PHF11: variants seen among roughly 807,000 people sequenced by gnomAD.
PHF11 encodes the protein BRCA1 C-terminus-associated protein.
PHF11 carries 38 observed loss-of-function variants against 40.5 expected under a neutral mutation model. The ratio of observed to expected loss-of-function variants is 0.94; its 90% CI spans 0.72 to 1.23. The LOEUF (loss-of-function observed/expected upper bound fraction) is 1.23. Among genes scored for constraint, PHF11 ranks in the 50% most tolerant of loss-of-function variants. The probability of loss-of-function intolerance (pLI) is 0.00; values close to 1 mark genes in which losing one functional copy is unlikely to be tolerated. For synonymous variants in PHF11, 127 were observed against 138.2 expected (o/e 0.92, Z 0.57); for missense variants, 369 against 392.4 (o/e 0.94, Z 0.50).
At chr13:49,517,987 T>C (rs755289174) in intron 3 of PHF11, 31 bp from the exon 4 acceptor site, 5 of 1,155,442 alleles carry the variant, frequency 4.3e-6, no homozygotes, top group Non-Finnish European at 6.1e-6. Context: ...AACAAACAGG[T>C]ACTTACTCAG....
chr13:49,507,866 T>C lies in PHF11; in HGVS notation c.216+1110T>C, dbSNP rs934722284. Among the ~76,000 whole-genome samples the C allele has an allele frequency of 2.6e-5, 4 of 152,100 alleles. No homozygotes were observed. The South Asian group carries it at 6.2e-4, about 24-fold the overall frequency. The stretch of plus-strand genomic sequence containing the variant: ...TAAGGGAACTGAGCATTCACGGATT[T>C]TGGTAGCCTTGGGGGTTCCTGGAAC... On this transcript the variant is annotated intron_variant, in intron 2 of 9. Coordinates refer to ENST00000378319, the MANE Select transcript of PHF11 (RefSeq NM_001040443.3).
intron 3 of PHF11, 136 bp from the exon 4 acceptor site, chr13:49,517,882 C>T (rs1959169023): frequency 2.8e-5 from 16 of 579,938 alleles, no homozygotes; most frequent in South Asian, 2.3e-4. Flanking sequence ...ATGTTTGTAA[C>T]GGGATGGAAT....
chr13:49,523,053 G>A (rs571420651), intron 6 of PHF11, 122 bp from the exon 7 acceptor site: 35 of 748,300 alleles, frequency 4.7e-5, no homozygotes, highest in Non-Finnish European at 7.4e-5. Context: ...GTGAGACACC[G>A]CGCCCAGCCA....
chr13:49,507,847 AAC>A (rs2139043557), intron 2 of PHF11, among the ~76,000 whole-genome samples: 1 of 152,280 alleles, frequency 6.6e-6, no homozygotes, highest in Non-Finnish European at 1.5e-5. Context: ...TAGATAAGGG[AAC>A]TGAGCATTCA....
At chr13:49,499,467 T>C (rs536003714) in intron 1 of PHF11, among the ~76,000 whole-genome samples, 70 of 152,344 alleles carry the variant, frequency 4.6e-4, no homozygotes, top group African/African-American at 1.6e-3. Context: ...CTAAAGATAT[T>C]CCCAGTGATG....
At chr13:49,508,359 C>CATATATAATATATTACTATATT (rs1285748158) in intron 2 of PHF11, among the ~76,000 whole-genome samples, 8 of 145,522 alleles carry the variant, frequency 5.5e-5, no homozygotes, top group Non-Finnish European at 1.2e-4. Flanking sequence ...TTCATATATT[C>CATATATAATATATTACTATATT]ATATATAATA....
intron 2 of PHF11, among the ~76,000 whole-genome samples, chr13:49,507,744 T>G (rs564962529): frequency 3.3e-5 from 5 of 152,268 alleles, no homozygotes; most frequent in African/African-American, 1.2e-4. Context: ...CTCATAAAAT[T>G]TATTGAATAC....
At chr13:49,508,620 TA>T (rs1959042994) in intron 2 of PHF11, among the ~76,000 whole-genome samples, 2 of 151,924 alleles carry the variant, frequency 1.3e-5, no homozygotes, top group Non-Finnish European at 2.9e-5. Context: ...TATTTATTTT[TA>T]TTTATTGATC....
intron 1 of PHF11, among the ~76,000 whole-genome samples, chr13:49,504,552 G>A: frequency 1.9e-5 from 1 of 52,220 alleles, no homozygotes. Flanking sequence ...GAAGTGAGGA[G>A]CCCCTCTGCC....
At chr13:49,523,787 T>C in intron 7 of PHF11, 1 of 220,248 alleles carries the variant, frequency 4.5e-6, no homozygotes, top group Non-Finnish European at 8.8e-6. Context: ...CCCCAAAAGG[T>C]ATTGAAATTT....
intron 5 of PHF11, chr13:49,521,620 A>G (rs1959188234): frequency 3.4e-6 from 1 of 293,526 alleles, no homozygotes; most frequent in Non-Finnish European, 5.1e-6. Flanking sequence ...AGGGAAAAGC[A>G]CCAGCAATAC....
rs59506067 is a variant in PHF11, at chr13:49,505,146, G to GA, written c.95-1475dup. ...AATAAAAAAATAAATAAATAAAAAT[G>GA]AAAAAAAAAAAAAAGATACTCCCAA... On this transcript the variant is annotated intron_variant, in intron 1 of 9. Transcript: ENST00000378319. 1.7e-3 allele frequency among the ~76,000 whole-genome samples: 210 copies of GA among 120,776 alleles called. 2 individuals are homozygous for GA. In the East Asian group the frequency reaches 0.019, roughly 11 times the overall value. The allele number at this position is 120,776 out of a possible 152,430, so 79.2% of individuals were successfully genotyped here. A position where few individuals can be genotyped will look rare whatever the true frequency, so the allele number is the denominator to read the frequency against.
Position 49,518,077 on chromosome 13 carries a change from C to G in PHF11, c.384C>G (p.Asn128Lys), listed in dbSNP as rs1566193949. ...ATVGCDLKNC[N>K]KNYHFFCAKK... ...TGGGATGTGATTTAAAAAACTGTAA[C>G]AAGAATTACCACTTTTTCTGTGCCA... The change falls in exon 4 of 10, where the codon AAC becomes AAG. Residue 128 changes from asparagine (N) to lysine (K), a missense_variant. Transcript: ENST00000378319. The G allele has an allele frequency of 3.8e-6, 6 of 1,598,512 alleles. No individual in the cohort carries two copies. Among genetic ancestry groups the G allele is most frequent in the Non-Finnish European group, 4.3e-6 (5 of 1,166,858 alleles).
intron 2 of PHF11, among the ~76,000 whole-genome samples, chr13:49,512,142 T>C (rs979832262): frequency 3.3e-5 from 5 of 152,252 alleles, no homozygotes; most frequent in Admixed American, 6.5e-5. Flanking sequence ...GTTAATGATA[T>C]TGAGCATCTT....
At chr13:49,511,124 T>C (rs540097961) in intron 2 of PHF11, among the ~76,000 whole-genome samples, 4 of 152,346 alleles carry the variant, frequency 2.6e-5, no homozygotes, top group South Asian at 4.1e-4. Flanking sequence ...CTATGTTGCA[T>C]GTATCTGTAT....
At chr13:49,517,263 T>C (rs1959165696) in intron 3 of PHF11, among the ~76,000 whole-genome samples, 1 of 152,190 alleles carries the variant, frequency 6.6e-6, no homozygotes, top group East Asian at 1.9e-4. Context: ...GACCTCCTGT[T>C]CTGCAAGGCA....
chr13:49,521,978 T>C, intron 5 of PHF11, 65 bp from the exon 6 acceptor site: 1 of 794,070 alleles, frequency 1.3e-6, no homozygotes, highest in Non-Finnish European at 2.2e-6. Flanking sequence ...GTTGTATATT[T>C]CATGTAGTCA....
chr13:49,526,728 C>T (rs895416115), intron 9 of PHF11, among the ~76,000 whole-genome samples: 13 of 152,002 alleles, frequency 8.6e-5, no homozygotes, highest in Non-Finnish European at 1.9e-4. Context: ...TGATTTTTGT[C>T]TGTTCTTTTA....
At chr13:49,519,134 CTAAA>C (rs1212800080) in intron 4 of PHF11, among the ~76,000 whole-genome samples, 2 of 152,162 alleles carry the variant, frequency 1.3e-5, no homozygotes, top group East Asian at 1.9e-4. Flanking sequence ...CGCGCCCGGG[CTAAA>C]TAATTTTAAA....
Sources: gnomAD v4.1 joint callset for allele counts (sites outside exome capture counted in the v4.1 genomes callset) on GRCh38, gnomAD v4.1.1 for gene constraint, MANE v1.5 for transcripts, NCBI Gene and HGNC (gene_info 2026-07-23, HGNC 2026-07-21) for gene names.